OTOGL: variants seen among roughly 807,000 people sequenced by gnomAD.
OTOGL encodes otogelin like, also known as otogelin-like protein.
In OTOGL, 285 loss-of-function variants were observed where a neutral mutation model predicts 318.5. The observed-to-expected ratio is 0.89, with a 90% CI of 0.81 to 0.99. The LOEUF (loss-of-function observed/expected upper bound fraction) is 0.99. Among genes scored for constraint, OTOGL ranks in the 50% least tolerant of loss-of-function variants. The probability of loss-of-function intolerance (pLI) is 0.00; values close to 1 mark genes in which losing one functional copy is unlikely to be tolerated. For missense variants in OTOGL, 2,899 were observed against 2,845.6 expected (o/e 1.02, Z -0.43); for synonymous variants, 987 against 936.5 (o/e 1.05, Z -0.99).
At chr12:80,273,242 C>G (rs1883544141) in intron 24 of OTOGL, among the ~76,000 whole-genome samples, 1 of 152,140 alleles carries the variant, frequency 6.6e-6, no homozygotes, top group Non-Finnish European at 1.5e-5. Flanking sequence ...ATTAAGATAG[C>G]CTTCTCCTAC....
intron 1 of OTOGL, among the ~76,000 whole-genome samples, chr12:80,111,255 G>C (rs892529565): frequency 1.3e-5 from 2 of 152,178 alleles, no homozygotes; most frequent in Admixed American, 1.3e-4. Context: ...AGTTTAATTA[G>C]ATCCCATTTG....
At chr12:80,113,563 TG>T (rs1869976633) in intron 1 of OTOGL, among the ~76,000 whole-genome samples, 1 of 152,364 alleles carries the variant, frequency 6.6e-6, no homozygotes, top group African/African-American at 2.4e-5. Flanking sequence ...TGTGTGGTTT[TG>T]ATTGAGTTTC....
chr12:80,270,808 A>G (rs1318118351), intron 23 of OTOGL, among the ~76,000 whole-genome samples: 1 of 152,158 alleles, frequency 6.6e-6, no homozygotes, highest in African/African-American at 2.4e-5. Flanking sequence ...TATTTTCATC[A>G]TATAAAGAGC....
chr12:80,132,697 T>G (rs924182806), intron 1 of OTOGL: 11 of 152,244 alleles, frequency 7.2e-5, no homozygotes, highest in Admixed American at 2.0e-4. Context: ...TAATCAAGAT[T>G]CGACCACTTA....
chr12:80,234,942 C>A (rs1367901923), intron 9 of OTOGL, among the ~76,000 whole-genome samples: 1 of 152,086 alleles, frequency 6.6e-6, no homozygotes, highest in Non-Finnish European at 1.5e-5. Context: ...GAGCACAATA[C>A]AAATGTATAG....
intron 9 of OTOGL, among the ~76,000 whole-genome samples, chr12:80,234,588 G>A (rs542395545): frequency 1.8e-4 from 27 of 152,190 alleles, no homozygotes; most frequent in Non-Finnish European, 2.6e-4. Context: ...GAGACAATTC[G>A]TGTAAAACAG....
chr12:80,370,576 A>T lies in OTOGL; in HGVS notation c.6622A>T (p.Ser2208Cys). 1.3e-6 allele frequency: 2 copies of T among 1,527,926 alleles called. No individual in the cohort carries two copies. Among genetic ancestry groups the T allele is most frequent in the South Asian group, 2.7e-5 (2 of 75,184 alleles). 94.6% of individuals were successfully genotyped at this position (1,527,926 alleles called of 1,614,324 possible). A position where few individuals can be genotyped will look rare whatever the true frequency, so the allele number is the denominator to read the frequency against. ...CTTTCTTTTTGATTTTTAGGTAGGG[A>T]GTACCTGGCACTACAATTGCACCAC... ...NGTSVVYAVG[S>C]TWHYNCTTYE... Residue 2208 changes from serine (S) to cysteine (C), a missense_variant, in exon 56 of 59, where the codon AGT becomes TGT. By Grantham distance (112) the Ser-to-Cys change is moderately radical. Transcript: ENST00000547103.
intron 32 of OTOGL, among the ~76,000 whole-genome samples, chr12:80,317,653 T>C (rs1324074022): frequency 6.6e-6 from 1 of 152,194 alleles, no homozygotes; most frequent in Non-Finnish European, 1.5e-5. Flanking sequence ...TACTTTGAAG[T>C]ATATTTGCAT....
intron 49 of OTOGL, among the ~76,000 whole-genome samples, chr12:80,357,394 T>C (rs946967775): frequency 4.0e-5 from 6 of 148,768 alleles, no homozygotes; most frequent in African/African-American, 1.5e-4. Flanking sequence ...TATTGAAATA[T>C]AAAGAATTCT....
intron 8 of OTOGL, among the ~76,000 whole-genome samples, chr12:80,231,116 A>G (rs557862884): frequency 6.6e-6 from 1 of 152,326 alleles, no homozygotes; most frequent in Admixed American, 6.5e-5. Flanking sequence ...GTACAACTAT[A>G]CTTCCATAAG....
chr12:80,136,986 T>G (rs1871615811), intron 1 of OTOGL, among the ~76,000 whole-genome samples: 1 of 152,186 alleles, frequency 6.6e-6, no homozygotes, highest in Non-Finnish European at 1.5e-5. Flanking sequence ...TAGTGTTAAA[T>G]AAGTGTTTGT....
chr12:80,110,028 A>G (rs1295248756), intron 1 of OTOGL, among the ~76,000 whole-genome samples: 1 of 150,808 alleles, frequency 6.6e-6, no homozygotes, highest in Non-Finnish European at 1.5e-5. Flanking sequence ...TGCTGCACCC[A>G]TCAACCTGTC....
chr12:80,295,626 C>T (rs1885340430), intron 26 of OTOGL, among the ~76,000 whole-genome samples: 1 of 152,142 alleles, frequency 6.6e-6, no homozygotes, highest in Admixed American at 6.5e-5. Flanking sequence ...TCTTCCTTTC[C>T]TTTTAATGAA....
chr12:80,187,267 T>A (rs959614524), intron 1 of OTOGL, among the ~76,000 whole-genome samples: 2 of 149,592 alleles, frequency 1.3e-5, no homozygotes, highest in Non-Finnish European at 3.0e-5. Flanking sequence ...TTGTTTTTGT[T>A]TTTTTTTTTT....
chr12:80,105,906 A>G (rs1869425192), intron 1 of OTOGL, among the ~76,000 whole-genome samples: 1 of 152,230 alleles, frequency 6.6e-6, no homozygotes, highest in Admixed American at 6.5e-5. Flanking sequence ...ATTCCAACAG[A>G]TACTGGGAAA....
chr12:80,133,596 A>G (rs1871367678), intron 1 of OTOGL: 1 of 152,090 alleles, frequency 6.6e-6, no homozygotes, highest in Non-Finnish European at 1.5e-5. Flanking sequence ...TACAGCTTAG[A>G]GCTAAACTCA....
At chr12:80,277,339 ATATATT>A (rs1314610299) in intron 24 of OTOGL, among the ~76,000 whole-genome samples, 1 of 147,386 alleles carries the variant, frequency 6.8e-6, no homozygotes, top group Non-Finnish European at 1.5e-5. Context: ...ATATTGAAAT[ATATATT>A]TATATTAAAT....
At chr12:80,281,870 T>C (rs2137636704) in intron 26 of OTOGL, among the ~76,000 whole-genome samples, 1 of 152,000 alleles carries the variant, frequency 6.6e-6, no homozygotes, top group East Asian at 1.9e-4. Flanking sequence ...GAGAGTTCAA[T>C]AAATGTTAGC....
chr12:80,363,986 C>G (rs981061171), intron 52 of OTOGL, among the ~76,000 whole-genome samples: 2 of 152,066 alleles, frequency 1.3e-5, no homozygotes, highest in African/African-American at 2.4e-5. Flanking sequence ...TGTTTTCCCT[C>G]CCCAGCATTT....
Sources: allele counts gnomAD v4.1 joint callset (sites outside exome capture counted in the v4.1 genomes callset), GRCh38; gene constraint gnomAD v4.1.1; transcripts MANE v1.5; gene names NCBI Gene and HGNC (gene_info 2026-07-23, HGNC 2026-07-21).